The following BRD10 variants were observed in gnomAD, a reference collection of about 807,000 sequenced individuals.
The protein encoded by BRD10 is bromodomain containing 10.
the BRD10 span, chr9:5,924,600 A>T: frequency 4.6e-6 from 5 of 1,087,216 alleles, no homozygotes; most frequent in African/African-American, 3.2e-5. Flanking sequence ...CTTCACAGCA[A>T]ACAAAAACTT....
At chr9:5,906,890 A>G in the BRD10 span, 1 of 1,574,270 alleles carries the variant, frequency 6.4e-7, no homozygotes, top group Non-Finnish European at 8.6e-7. Context: ...TTCAGGATAA[A>G]AGTCTTCATG....
the BRD10 span, among the ~76,000 whole-genome samples, chr9:5,995,834 C>G: frequency 2.6e-5 from 4 of 151,946 alleles, no homozygotes; most frequent in East Asian, 1.9e-4. Context: ...TTTACTGAGC[C>G]ACAGGGATTT....
At chr9:5,978,281 T>C in the BRD10 span, among the ~76,000 whole-genome samples, 4 of 151,622 alleles carry the variant, frequency 2.6e-5, no homozygotes, top group Non-Finnish European at 4.4e-5. Context: ...TTTTAAAGTA[T>C]CCTAACTTTA....
chr9:5,954,103 G>T, the BRD10 span: 1 of 1,482,610 alleles, frequency 6.7e-7, no homozygotes, highest in Non-Finnish European at 9.2e-7. Context: ...TTCCTTTCAA[G>T]ATTAAAAGAG....
the BRD10 span, among the ~76,000 whole-genome samples, chr9:5,970,270 T>A: frequency 1.3e-5 from 2 of 152,142 alleles, no homozygotes; most frequent in Non-Finnish European, 2.9e-5. Context: ...GCCTTAAAAA[T>A]TAAAATTATT....
chr9:5,929,543 G>C, the BRD10 span, among the ~76,000 whole-genome samples: 59 of 152,168 alleles, frequency 3.9e-4, no homozygotes, highest in African/African-American at 1.3e-3. Context: ...CCAAAGACTG[G>C]GGAAAAGGGA....
chr9:5,986,100 G>A, the BRD10 span, among the ~76,000 whole-genome samples: 1 of 152,152 alleles, frequency 6.6e-6, no homozygotes, highest in African/African-American at 2.4e-5. Flanking sequence ...GCATGCATTA[G>A]CTATTTATCC....
the BRD10 span, chr9:5,910,699 G>C: frequency 1.3e-5 from 2 of 152,164 alleles, no homozygotes; most frequent in Admixed American, 6.5e-5. Context: ...ATGGAGACTT[G>C]GGCTGAGTCT....
chr9:5,921,362 T>A, the BRD10 span: 1 of 1,613,900 alleles, frequency 6.2e-7, no homozygotes, highest in Non-Finnish European at 8.5e-7. Flanking sequence ...TATTTGGGGT[T>A]GCTCTGGAGT....
the BRD10 span, among the ~76,000 whole-genome samples, chr9:5,901,634 C>T: frequency 6.6e-6 from 1 of 152,174 alleles, no homozygotes; most frequent in East Asian, 1.9e-4. Context: ...TCCTCCCACC[C>T]CAGCCTTCCA....
the BRD10 span, chr9:5,909,872 C>G: frequency 6.6e-6 from 1 of 152,208 alleles, no homozygotes; most frequent in African/African-American, 2.4e-5. Flanking sequence ...TTTCCTTTGG[C>G]TACATCAACG....
the BRD10 span, among the ~76,000 whole-genome samples, chr9:5,904,882 T>C: frequency 2.6e-5 from 4 of 151,950 alleles, no homozygotes; most frequent in Admixed American, 2.6e-4. Context: ...CATGCCATTC[T>C]CCTGACTCAG....
At chr9:5,913,500 C>T in the BRD10 span, among the ~76,000 whole-genome samples, 1 of 152,014 alleles carries the variant, frequency 6.6e-6, no homozygotes. Context: ...AATCTAAAAG[C>T]GCTATCCCAA....
the BRD10 span, among the ~76,000 whole-genome samples, chr9:5,929,469 C>T: frequency 6.6e-6 from 1 of 152,086 alleles, no homozygotes; most frequent in Admixed American, 6.6e-5. Flanking sequence ...AAAACACAAA[C>T]ATTTATATAA....
chr9:5,954,080 G>A, the BRD10 span: 2 of 1,549,386 alleles, frequency 1.3e-6, no homozygotes, highest in Non-Finnish European at 8.8e-7. Flanking sequence ...TGCTTTTTTA[G>A]AGACGGATTT....
At chr9:5,931,786 GACC>G in the BRD10 span, among the ~76,000 whole-genome samples, 2 of 152,106 alleles carry the variant, frequency 1.3e-5, no homozygotes, top group South Asian at 4.1e-4. Flanking sequence ...TGAATATAAT[GACC>G]ACAACAAAGG....
chr9:5,991,219 A>G, the BRD10 span, among the ~76,000 whole-genome samples: 1 of 152,244 alleles, frequency 6.6e-6, no homozygotes, highest in South Asian at 2.1e-4. Flanking sequence ...GTACAGACAC[A>G]CTACTAGATG....
chr9:5,950,762 T>C, the BRD10 span, among the ~76,000 whole-genome samples: 4 of 152,128 alleles, frequency 2.6e-5, no homozygotes, highest in Non-Finnish European at 5.9e-5. Context: ...ACCCTGCGGA[T>C]ACCAAAATCC....
At chr9:5,928,766 C>A in the BRD10 span, among the ~76,000 whole-genome samples, 1 of 152,130 alleles carries the variant, frequency 6.6e-6, no homozygotes, top group Non-Finnish European at 1.5e-5. Context: ...TTTCTTAACC[C>A]CCTTACCTTG....
Sources: allele counts gnomAD v4.1 joint callset (sites outside exome capture counted in the v4.1 genomes callset), GRCh38; gene constraint gnomAD v4.1.1; transcripts MANE v1.5; gene names NCBI Gene and HGNC (gene_info 2026-07-23, HGNC 2026-07-21).